Variants in TNFSF4 observed in about 807,000 individuals in gnomAD.
The protein encoded by TNFSF4 is TNF superfamily member 4, also known as tumor necrosis factor ligand superfamily member 4.
In TNFSF4, 4 loss-of-function variants were observed where a neutral mutation model predicts 7.3. The ratio of observed to expected loss-of-function variants is 0.55; its 90% CI spans 0.27 to 1.25. The LOEUF is 1.25. TNFSF4 is among the 50% of genes most tolerant of loss of function. TNFSF4 has a pLI of 0.12. For synonymous variants in TNFSF4, 76 were observed against 83.7 expected, an observed-to-expected ratio of 0.91 and a Z score of 0.50; for missense variants, 181 against 208.8, an observed-to-expected ratio of 0.87 and a Z score of 0.82.
At chr1:173,182,199 C>A (rs530447530), downstream of TNFSF4, among the ~76,000 whole-genome samples, 1 of 152,198 alleles carries the variant, frequency 6.6e-6, no homozygotes, top group South Asian at 2.1e-4. Flanking sequence ...TTTTCTTATT[C>A]TCTTCTAGTA....
the TNFSF4 span, among the ~76,000 whole-genome samples, chr1:173,251,933 T>G: frequency 6.6e-6 from 1 of 152,206 alleles, no homozygotes; most frequent in Admixed American, 6.5e-5. Flanking sequence ...GAACGTGTCC[T>G]TTGTTGAAGT....
the TNFSF4 span, among the ~76,000 whole-genome samples, chr1:173,408,867 C>T: frequency 1.3e-5 from 2 of 152,080 alleles, no homozygotes; most frequent in Non-Finnish European, 2.9e-5. Context: ...TGGGATTACA[C>T]GGATGAGCCA....
chr1:173,385,409 G>A, the TNFSF4 span, among the ~76,000 whole-genome samples: 1 of 152,136 alleles, frequency 6.6e-6, no homozygotes, highest in Non-Finnish European at 1.5e-5. Context: ...CAAAAAACAG[G>A]TGCAGGTCAC....
At chr1:173,273,132 C>T in the TNFSF4 span, among the ~76,000 whole-genome samples, 2 of 152,038 alleles carry the variant, frequency 1.3e-5, no homozygotes, top group Non-Finnish European at 2.9e-5. Context: ...CCACGGTGGG[C>T]TTCATATTCA....
chr1:173,427,699 T>C, the TNFSF4 span, among the ~76,000 whole-genome samples: 1 of 152,256 alleles, frequency 6.6e-6, no homozygotes, highest in Non-Finnish European at 1.5e-5. Context: ...GGTGATTTCA[T>C]TGTGTAAATA....
the TNFSF4 span, among the ~76,000 whole-genome samples, chr1:173,334,328 C>T: frequency 6.6e-6 from 1 of 152,126 alleles, no homozygotes; most frequent in Non-Finnish European, 1.5e-5. Flanking sequence ...AAGCAAGGAT[C>T]TAAGTGACTA....
chr1:173,331,678 C>G, the TNFSF4 span, among the ~76,000 whole-genome samples: 2 of 152,182 alleles, frequency 1.3e-5, no homozygotes, highest in Non-Finnish European at 2.9e-5. Context: ...CTTTTACTTA[C>G]TTATCTCTAG....
chr1:173,398,605 T>G, the TNFSF4 span, among the ~76,000 whole-genome samples: 5 of 151,980 alleles, frequency 3.3e-5, no homozygotes, highest in Middle Eastern at 3.4e-3. Flanking sequence ...TTTTTGTATT[T>G]TTAGTAGAGA....
At chr1:173,248,356 A>G in the TNFSF4 span, among the ~76,000 whole-genome samples, 7 of 151,604 alleles carry the variant, frequency 4.6e-5, no homozygotes, top group African/African-American at 7.3e-5. Context: ...ACTCTGTCAA[A>G]AAAAAACAAA....
chr1:173,363,292 A>G, the TNFSF4 span: 46 of 298,414 alleles, frequency 1.5e-4, 2 homozygotes, highest in Non-Finnish European at 1.0e-4. Context: ...ATGCTTTATC[A>G]TATTTCACAT....
At chr1:173,177,831 T>C in the TNFSF4 span, among the ~76,000 whole-genome samples, 1 of 152,192 alleles carries the variant, frequency 6.6e-6, no homozygotes, top group Admixed American at 6.5e-5. Context: ...ATAAGTGCCA[T>C]TAAAGAATTA....
chr1:173,305,025 G>A, the TNFSF4 span, among the ~76,000 whole-genome samples: 1 of 151,880 alleles, frequency 6.6e-6, no homozygotes, highest in African/African-American at 2.4e-5. Context: ...AGGAACCATA[G>A]GACATAATCC....
the TNFSF4 span, among the ~76,000 whole-genome samples, chr1:173,217,692 G>A: frequency 3.3e-5 from 5 of 152,044 alleles, no homozygotes; most frequent in Non-Finnish European, 5.9e-5. Flanking sequence ...GATCTATTAT[G>A]GTAAATAAAA....
chr1:173,205,620 C>T lies in TNFSF4; in HGVS notation c.153+1404G>A, dbSNP rs565515943. The T allele has an allele frequency of 5.4e-6, 6 of 1,110,152 alleles. No individual in the cohort carries two copies. The African/African-American group carries it at 9.7e-5, about 18-fold the overall frequency. The allele number at this position is 1,110,152 out of a possible 1,614,324, so 68.8% of individuals were successfully genotyped here. ...GTTGTTAGAAAAAGCACTCTCAGGG[C>T]TCCCAGACTGGTGAATGCACTCAGC... On this transcript the variant is annotated intron_variant, in intron 1 of 2. Transcript: ENST00000281834.
downstream of TNFSF4, among the ~76,000 whole-genome samples, chr1:173,180,562 A>G (rs1437096026): frequency 6.6e-6 from 1 of 152,186 alleles, no homozygotes; most frequent in Non-Finnish European, 1.5e-5. Flanking sequence ...AGACTTTCAA[A>G]TGTCTGCCTT....
the TNFSF4 span, among the ~76,000 whole-genome samples, chr1:173,229,111 C>T: frequency 1.1e-4 from 17 of 152,192 alleles, no homozygotes; most frequent in Admixed American, 9.8e-4. Flanking sequence ...GAAGAGCAAC[C>T]CTAAGACACA....
the TNFSF4 span, among the ~76,000 whole-genome samples, chr1:173,433,781 G>A: frequency 6.6e-6 from 1 of 152,068 alleles, no homozygotes; most frequent in South Asian, 2.1e-4. Context: ...GTTGAATTTT[G>A]TCCCCTCAAA....
At chr1:173,343,740 C>G in the TNFSF4 span, among the ~76,000 whole-genome samples, 1 of 152,010 alleles carries the variant, frequency 6.6e-6, no homozygotes, top group Non-Finnish European at 1.5e-5. Flanking sequence ...TTAATAAGTG[C>G]TCACAAAATG....
chr1:173,395,892 C>T, the TNFSF4 span, among the ~76,000 whole-genome samples: 24 of 152,052 alleles, frequency 1.6e-4, no homozygotes, highest in African/African-American at 5.6e-4. Context: ...TACAAGTGGC[C>T]TCCCAACAAC....
Sources: allele counts gnomAD v4.1 joint callset (sites outside exome capture counted in the v4.1 genomes callset), GRCh38; gene constraint gnomAD v4.1.1; transcripts MANE v1.5; gene names NCBI Gene and HGNC (gene_info 2026-07-23, HGNC 2026-07-21).